The following LHFPL2 variants were observed in gnomAD, a reference collection of about 807,000 sequenced individuals.
LHFPL2 encodes the protein LHFPL tetraspan subfamily member 2.
In LHFPL2, 7 loss-of-function variants were observed where a neutral mutation model predicts 17.5. That is an observed-to-expected ratio of 0.40 (90% confidence interval 0.23 to 0.75). The LOEUF (loss-of-function observed/expected upper bound fraction) is 0.75, where lower values mean the gene tolerates loss of function less well. LHFPL2 is among the 30% of genes least tolerant of loss of function. LHFPL2 has a pLI of 0.37. For missense variants in LHFPL2, 241 were observed against 294.8 expected (o/e 0.82, Z 1.34); for synonymous variants, 134 against 116.2 (o/e 1.15, Z -0.99).
At chr5:78,523,150 A>T (rs1001909992) in intron 3 of LHFPL2, among the ~76,000 whole-genome samples, 8 of 151,894 alleles carry the variant, frequency 5.3e-5, no homozygotes, top group African/African-American at 1.9e-4. Flanking sequence ...TTCTGCAAGT[A>T]AAAATGGAAA....
At chr5:78,505,746 C>G (rs965579770) in intron 4 of LHFPL2, among the ~76,000 whole-genome samples, 1 of 152,186 alleles carries the variant, frequency 6.6e-6, no homozygotes, top group South Asian at 2.1e-4. Context: ...TAAAACTTGC[C>G]AAGAAAGCAG....
At chr5:78,505,869 G>A (rs895086862) in intron 4 of LHFPL2, among the ~76,000 whole-genome samples, 11 of 152,204 alleles carry the variant, frequency 7.2e-5, no homozygotes, top group African/African-American at 2.7e-4. Flanking sequence ...CAGTCCTGAG[G>A]TATAAACCTA....
chr5:78,520,280 A>T (rs908093345), intron 3 of LHFPL2, among the ~76,000 whole-genome samples: 2 of 152,204 alleles, frequency 1.3e-5, no homozygotes, highest in African/African-American at 2.4e-5. Context: ...GGCAAGGGAA[A>T]AAGACCCACT....
intron 2 of LHFPL2, among the ~76,000 whole-genome samples, chr5:78,628,559 T>C (rs1745140034): frequency 6.6e-6 from 1 of 152,198 alleles, no homozygotes; most frequent in Non-Finnish European, 1.5e-5. Flanking sequence ...ACTCAGAGTA[T>C]TGGCGTCAAC....
intron 3 of LHFPL2, among the ~76,000 whole-genome samples, chr5:78,550,043 CA>C (rs1160129123): frequency 6.6e-6 from 1 of 152,204 alleles, no homozygotes; most frequent in Non-Finnish European, 1.5e-5. Context: ...ACAAATGTTA[CA>C]ATTCACTCTG....
chr5:78,524,846 T>C (rs1027319312), intron 3 of LHFPL2, among the ~76,000 whole-genome samples: 2 of 152,212 alleles, frequency 1.3e-5, no homozygotes, highest in Admixed American at 6.5e-5. Flanking sequence ...TTTTTCTCCC[T>C]GTTGAGTATT....
chr5:78,647,942 C>T (rs1745942998), intron 1 of LHFPL2, among the ~76,000 whole-genome samples: 1 of 152,226 alleles, frequency 6.6e-6, no homozygotes, highest in African/African-American at 2.4e-5. Context: ...CTTCCCCACT[C>T]CACGCCCACC....
intron 2 of LHFPL2, among the ~76,000 whole-genome samples, chr5:78,598,294 A>T (rs937670136): frequency 2.6e-5 from 4 of 152,218 alleles, no homozygotes; most frequent in African/African-American, 9.6e-5. Flanking sequence ...AATTACTATG[A>T]TAATAAGCCA....
Position 78,564,467 on chromosome 5 carries a change from T to C in LHFPL2, c.-186+346A>G, listed in dbSNP as rs140190475. On this transcript the variant is annotated intron_variant, in intron 3 of 4. Transcript: ENST00000380345. ...CTTTCTCTGAGAGAAATGATAAAAATGATGAAATGGTCCACAGAGAAGCTC... is the reference window on the plus strand; with the variant it reads ...CTTTCTCTGAGAGAAATGATAAAAACGATGAAATGGTCCACAGAGAAGCTC... Among the ~76,000 whole-genome samples, 284 of 152,252 alleles carry C rather than the reference T, an allele frequency of 1.9e-3. 1 individual carries two copies. The highest frequency in any genetic ancestry group is 6.8e-3 in the African/African-American group (281 of 41,558).
intron 2 of LHFPL2, among the ~76,000 whole-genome samples, chr5:78,579,438 C>G (rs1742998265): frequency 6.6e-6 from 1 of 152,074 alleles, no homozygotes; most frequent in Non-Finnish European, 1.5e-5. Flanking sequence ...GTGCGCTGCA[C>G]CCACTAACTC....
At chr5:78,498,271 G>A (rs960691860) in intron 4 of LHFPL2, among the ~76,000 whole-genome samples, 1 of 152,162 alleles carries the variant, frequency 6.6e-6, no homozygotes, top group African/African-American at 2.4e-5. Flanking sequence ...TCAGGGTGGG[G>A]GTGTGTTTTT....
At chr5:78,603,195 G>T (rs1326881935) in intron 2 of LHFPL2, among the ~76,000 whole-genome samples, 1 of 152,086 alleles carries the variant, frequency 6.6e-6, no homozygotes, top group Non-Finnish European at 1.5e-5. Context: ...CCTAGCCGAG[G>T]TAGGTATTAT....
At chr5:78,501,157 A>G (rs1754760658) in intron 4 of LHFPL2, among the ~76,000 whole-genome samples, 1 of 152,186 alleles carries the variant, frequency 6.6e-6, no homozygotes, top group African/African-American at 2.4e-5. Context: ...GATTGTTGGG[A>G]GGGCAACATT....
intron 2 of LHFPL2, among the ~76,000 whole-genome samples, chr5:78,590,803 C>T (rs933909262): frequency 6.6e-6 from 1 of 152,126 alleles, no homozygotes; most frequent in African/African-American, 2.4e-5. Context: ...AGTCATAATA[C>T]GTCTCTAGAA....
At chr5:78,502,916 T>C (rs1230803407) in intron 4 of LHFPL2, among the ~76,000 whole-genome samples, 3 of 151,586 alleles carry the variant, frequency 2.0e-5, no homozygotes, top group Non-Finnish European at 4.4e-5. Flanking sequence ...CACGTATTTG[T>C]ACTGATTCTT....
intron 4 of LHFPL2, among the ~76,000 whole-genome samples, chr5:78,494,940 T>G (rs1427560057): frequency 6.6e-6 from 1 of 152,232 alleles, no homozygotes; most frequent in Non-Finnish European, 1.5e-5. Flanking sequence ...AGTCCTGATT[T>G]CCTAGCAACA....
intron 2 of LHFPL2, among the ~76,000 whole-genome samples, chr5:78,618,472 A>T (rs1302157537): frequency 6.6e-6 from 1 of 152,184 alleles, no homozygotes; most frequent in Non-Finnish European, 1.5e-5. Flanking sequence ...CTTGGTTTGC[A>T]TGTCAGTGGG....
At chr5:78,576,053 T>A (rs1192952788) in intron 2 of LHFPL2, among the ~76,000 whole-genome samples, 2 of 152,218 alleles carry the variant, frequency 1.3e-5, no homozygotes, top group Non-Finnish European at 1.5e-5. Flanking sequence ...CCCAGCACTT[T>A]GGGAGGCCGA....
rs139869401 is a variant in LHFPL2, at chr5:78,496,008, C to T, written c.431-6855G>A. 8.5e-5 allele frequency among the ~76,000 whole-genome samples: 13 copies of T among 152,318 alleles called. No homozygotes were observed. In the East Asian group the frequency reaches 2.5e-3, roughly 29 times the overall value. On this transcript the variant is annotated intron_variant, in intron 4 of 4. Coordinates refer to ENST00000380345, the MANE Select transcript of LHFPL2 (RefSeq NM_005779.3). ...GGGCATTCTCTCCCTCATTCCAATGCAAATGTTGCCTCCCCGGGAAATGTT... is the reference window on the plus strand; with the variant it reads ...GGGCATTCTCTCCCTCATTCCAATGTAAATGTTGCCTCCCCGGGAAATGTT...
Sources: allele counts gnomAD v4.1 joint callset (sites outside exome capture counted in the v4.1 genomes callset), GRCh38; gene constraint gnomAD v4.1.1; transcripts MANE v1.5; gene names NCBI Gene and HGNC (gene_info 2026-07-23, HGNC 2026-07-21).